Variants in ACTL8 observed in about 807,000 individuals in gnomAD.
ACTL8 encodes the protein actin-like protein 8.
ACTL8 carries 3 observed loss-of-function variants against 9.3 expected under a neutral mutation model. The ratio of observed to expected loss-of-function variants is 0.32; its 90% CI spans 0.15 to 0.83. The LOEUF is 0.83. Ranked by LOEUF, ACTL8 falls within the 40% of genes least tolerant of loss-of-function variation. The pLI is 0.57. For synonymous variants in ACTL8, 224 were observed against 205.9 expected, an observed-to-expected ratio of 1.09 and a Z score of -0.75; for missense variants, 381 against 492.2, an observed-to-expected ratio of 0.77 and a Z score of 2.14.
chr1:17,781,832 C>T lies in ACTL8; in HGVS notation c.-25+26328C>T, dbSNP rs918835523. ...GCTCTCTTTGATTTGTTAGGGCCCC[C>T]ACAGATGCGGGGACCCATGCTCCTC... On this transcript the variant is annotated intron_variant, in intron 1 of 2. Coordinates refer to ENST00000375406, the MANE Select transcript of ACTL8 (RefSeq NM_030812.3). Among the ~76,000 whole-genome samples, 10 of 152,232 alleles carry T rather than the reference C, an allele frequency of 6.6e-5. No homozygotes were observed. In the East Asian group the frequency reaches 1.7e-3, roughly 26 times the overall value.
intron 1 of ACTL8, among the ~76,000 whole-genome samples, chr1:17,792,577 A>G (rs550438119): frequency 6.6e-6 from 1 of 152,260 alleles, no homozygotes; most frequent in Non-Finnish European, 1.5e-5. Flanking sequence ...CCTTCTGCTT[A>G]TCTTCATCCT....
intron 1 of ACTL8, among the ~76,000 whole-genome samples, chr1:17,780,728 AG>A (rs2066148823): frequency 5.6e-5 from 1 of 17,740 alleles, no homozygotes; most frequent in Non-Finnish European, 1.1e-4. Flanking sequence ...GAGGAAGAGC[AG>A]GGGTGGGAGT....
chr1:17,817,708 TTC>T (rs1557447033), intron 1 of ACTL8, among the ~76,000 whole-genome samples: 5 of 151,446 alleles, frequency 3.3e-5, no homozygotes, highest in African/African-American at 7.3e-5. Context: ...TTTCTTTCTT[TTC>T]TTTTTTTCGA....
At chr1:17,802,876 T>TC (rs1239236853) in intron 1 of ACTL8, among the ~76,000 whole-genome samples, 3 of 152,026 alleles carry the variant, frequency 2.0e-5, no homozygotes, top group African/African-American at 7.2e-5. Flanking sequence ...TCCCAGCTAC[T>TC]CGGGAGGCTG....
chr1:17,825,817 G>A lies in ACTL8; in HGVS notation c.399G>A (p.Leu133=), dbSNP rs2053711279. Residue 133 remains leucine, a synonymous_variant, in exon 3 of 3, where the codon CTG becomes CTA. Transcript: ENST00000375406. ...HVPSVLLADQ[L]QMSLYASGLL... ...CATCGGTCCTCCTGGCCGACCAGCT[G>A]CAGATGTCCCTGTATGCCTCTGGCC... The A allele has an allele frequency of 6.2e-7, 1 of 1,613,900 alleles. No homozygotes were observed.
intron 1 of ACTL8, 75 bp from the exon 2 acceptor site, chr1:17,822,910 T>G (rs2053675404): frequency 1.0e-6 from 1 of 993,524 alleles, no homozygotes; most frequent in Non-Finnish European, 1.5e-6. Flanking sequence ...GAGGTTTGAC[T>G]GTTGGGTAGA....
chr1:17,794,576 C>G (rs1304667009), intron 1 of ACTL8, among the ~76,000 whole-genome samples: 1 of 152,226 alleles, frequency 6.6e-6, no homozygotes, highest in Admixed American at 6.5e-5. Flanking sequence ...CTAGGAAGCT[C>G]AGTGAAATTG....
At chr1:17,783,497 C>T (rs1305967280) in intron 1 of ACTL8, among the ~76,000 whole-genome samples, 1 of 152,084 alleles carries the variant, frequency 6.6e-6, no homozygotes, top group African/African-American at 2.4e-5. Flanking sequence ...ACCACATATA[C>T]GAAAACATTG....
intron 1 of ACTL8, among the ~76,000 whole-genome samples, chr1:17,799,311 C>A (rs981655846): frequency 6.6e-6 from 1 of 152,232 alleles, no homozygotes; most frequent in Non-Finnish European, 1.5e-5. Context: ...TTTTGCTAAT[C>A]TGATATGTGT....
intron 1 of ACTL8, among the ~76,000 whole-genome samples, chr1:17,803,023 A>G (rs1457732651): frequency 1.3e-5 from 2 of 152,200 alleles, no homozygotes; most frequent in African/African-American, 2.4e-5. Flanking sequence ...ATCTGCTGCT[A>G]TGGTTTGGCT....
intron 1 of ACTL8, among the ~76,000 whole-genome samples, chr1:17,811,544 A>T (rs1254190722): frequency 6.6e-6 from 1 of 152,206 alleles, no homozygotes; most frequent in African/African-American, 2.4e-5. Flanking sequence ...CTAAGGTCAC[A>T]CAGATGTTCT....
At chr1:17,778,620 C>G (rs2066132582) in intron 1 of ACTL8, among the ~76,000 whole-genome samples, 1 of 152,160 alleles carries the variant, frequency 6.6e-6, no homozygotes, top group Non-Finnish European at 1.5e-5. Flanking sequence ...AGTCGCACAG[C>G]TGTACCTTGG....
rs34383884 is a variant in ACTL8, at chr1:17,816,200, C to CTT, written c.-24-6770_-24-6769dup. Reference sequence around the variant, plus strand: ...GCAATAGAACTCAAAATATTAATAGCTTTTTTTTTTTTTTTTGAGACCAGG... The same window carrying CTT: ...GCAATAGAACTCAAAATATTAATAGCTTTTTTTTTTTTTTTTTTGAGACCAGG... On this transcript the variant is annotated intron_variant, in intron 1 of 2. Transcript: ENST00000375406. Among the ~76,000 whole-genome samples, 285 of 139,596 alleles carry CTT rather than the reference C, an allele frequency of 2.0e-3. 7 individuals are homozygous for CTT. Among genetic ancestry groups the CTT allele is most frequent in the South Asian group, 0.012 (53 of 4,332 alleles). The allele number at this position is 139,596 out of a possible 152,430, so 91.6% of individuals were successfully genotyped here.
chr1:17,791,144 G>C (rs530284043), intron 1 of ACTL8, among the ~76,000 whole-genome samples: 1 of 152,250 alleles, frequency 6.6e-6, no homozygotes, highest in South Asian at 2.1e-4. Flanking sequence ...CAGGAGGCCT[G>C]GGTCTGCTGC....
intron 1 of ACTL8, among the ~76,000 whole-genome samples, chr1:17,759,707 A>G (rs986239178): frequency 6.6e-6 from 1 of 152,156 alleles, no homozygotes; most frequent in East Asian, 1.9e-4. Flanking sequence ...GGGCTCTGCC[A>G]TAACGCTGGA....
chr1:17,812,855 A>C lies in ACTL8; in HGVS notation c.-24-10130A>C, dbSNP rs150394742. On this transcript the variant is annotated intron_variant, in intron 1 of 2. Coordinates refer to ENST00000375406, the MANE Select transcript of ACTL8 (RefSeq NM_030812.3). ...GTATTTTGTAGTTTTAAGCACATTTAATGTTTTGTTAGATTTATACCAAAG... is the reference window on the plus strand; with the variant it reads ...GTATTTTGTAGTTTTAAGCACATTTCATGTTTTGTTAGATTTATACCAAAG... 5.5e-3 allele frequency among the ~76,000 whole-genome samples: 835 copies of C among 152,222 alleles called. 6 individuals are homozygous for C. Among genetic ancestry groups the C allele is most frequent in the African/African-American group, 0.019 (796 of 41,536 alleles).
At chr1:17,761,984 T>C (rs1306905288) in intron 1 of ACTL8, among the ~76,000 whole-genome samples, 3 of 150,050 alleles carry the variant, frequency 2.0e-5, no homozygotes, top group Non-Finnish European at 4.5e-5. Flanking sequence ...TGCGCTCACC[T>C]GAGGTCACCT....
intron 1 of ACTL8, among the ~76,000 whole-genome samples, chr1:17,793,486 T>C (rs1046015299): frequency 1.3e-5 from 2 of 152,250 alleles, no homozygotes; most frequent in Non-Finnish European, 2.9e-5. Flanking sequence ...TTTTTGAGCC[T>C]TAAGGTCCTC....
chr1:17,804,968 G>A (rs59291329), intron 1 of ACTL8, among the ~76,000 whole-genome samples: 20,712 of 151,842 alleles, frequency 0.14, 1,697 homozygotes, highest in East Asian at 0.24. Flanking sequence ...CTAACACTTG[G>A]GACAGACGGG....
Sources: allele counts gnomAD v4.1 joint callset (sites outside exome capture counted in the v4.1 genomes callset), GRCh38; gene constraint gnomAD v4.1.1; transcripts MANE v1.5; gene names NCBI Gene and HGNC (gene_info 2026-07-23, HGNC 2026-07-21).